Variants in DPY19L2 observed in about 807,000 individuals in gnomAD.
The protein encoded by DPY19L2 is probable C-mannosyltransferase DPY19L2.
DPY19L2 carries 34 observed loss-of-function variants against 97.9 expected under a neutral mutation model. The observed-to-expected ratio is 0.35, with a 90% CI of 0.26 to 0.46. The LOEUF (loss-of-function observed/expected upper bound fraction) is 0.46, where lower values mean the gene tolerates loss of function less well. Ranked by LOEUF, DPY19L2 falls within the 20% of genes least tolerant of loss-of-function variation. DPY19L2 has a pLI of 1.00. For synonymous variants in DPY19L2, 230 were observed against 307.9 expected (o/e 0.75, Z 2.65); for missense variants, 623 against 911.4 (o/e 0.68, Z 4.07).
chr12:63,616,792 A>C (rs1207274859), intron 11 of DPY19L2, among the ~76,000 whole-genome samples: 3 of 152,146 alleles, frequency 2.0e-5, no homozygotes, highest in African/African-American at 7.2e-5. Flanking sequence ...CGGTCTTATG[A>C]CTTTACTGTC....
chr12:63,637,965 T>C (rs985028630), intron 6 of DPY19L2, among the ~76,000 whole-genome samples: 1 of 152,080 alleles, frequency 6.6e-6, no homozygotes, highest in Non-Finnish European at 1.5e-5. Flanking sequence ...CTCAATAAAA[T>C]ATTGGCAAAC....
At position 63,582,530 on chromosome 12, in the gene DPY19L2, A is replaced by G. The variant is rs1881109533; in HGVS notation, c.1606-5T>C. 5 of 1,606,022 alleles carry G rather than the reference A, an allele frequency of 3.1e-6. No individual in the cohort carries two copies. Among genetic ancestry groups the G allele is most frequent in the Non-Finnish European group, 4.2e-6 (5 of 1,177,404 alleles). On this transcript the variant is annotated splice_polypyrimidine_tract_variant and splice_region_variant and intron_variant, in intron 17 of 21. Transcript: ENST00000324472. ...CTGCAATGTGTGAAAAGCCAGCTATAAAACACAAATAAGACAAAATCACAT... is the reference window on the plus strand; with the variant it reads ...CTGCAATGTGTGAAAAGCCAGCTATGAAACACAAATAAGACAAAATCACAT...
At position 63,596,092 on chromosome 12, in the gene DPY19L2, G is replaced by A. The variant is rs1272607135; in HGVS notation, c.1462-55C>T. The stretch of plus-strand genomic sequence containing the variant: ...TACTTACAATTTTTACATTAAATTA[G>A]TAAACACCTATGTCAAACTAAGTGC... On this transcript the variant is annotated intron_variant, in intron 14 of 21. Coordinates refer to ENST00000324472, the MANE Select transcript of DPY19L2 (RefSeq NM_173812.5). 2.7e-5 allele frequency: 41 copies of A among 1,504,432 alleles called. No individual in the cohort carries two copies. In the East Asian group the frequency reaches 8.2e-4, roughly 30 times the overall value. 93.2% of individuals were successfully genotyped at this position (1,504,432 alleles called of 1,614,324 possible). A position where few individuals can be genotyped will look rare whatever the true frequency, so the allele number is the denominator to read the frequency against.
At chr12:63,644,364 A>G in intron 6 of DPY19L2, 39 bp downstream of exon 6, 1 of 1,583,100 alleles carries the variant, frequency 6.3e-7, no homozygotes. Context: ...AGTCTGTAAA[A>G]GCCCACTGAA....
intron 4 of DPY19L2, among the ~76,000 whole-genome samples, chr12:63,647,592 A>G (rs1239465198): frequency 6.6e-6 from 1 of 152,284 alleles, no homozygotes; most frequent in African/African-American, 2.4e-5. Context: ...TATAGATTCA[A>G]TGCTCTACCA....
chr12:63,660,311 T>C (rs1435896579), intron 4 of DPY19L2, among the ~76,000 whole-genome samples: 1 of 151,866 alleles, frequency 6.6e-6, no homozygotes, highest in African/African-American at 2.4e-5. Context: ...TTACAATTCA[T>C]AAAACGGTTA....
At chr12:63,600,004 G>A (rs1410582365) in intron 13 of DPY19L2, among the ~76,000 whole-genome samples, 10 of 152,118 alleles carry the variant, frequency 6.6e-5, no homozygotes, top group Admixed American at 6.5e-4. Context: ...GATAACTTAT[G>A]ATGTAAACAA....
chr12:63,581,023 G>GA (rs1410285431), intron 18 of DPY19L2, among the ~76,000 whole-genome samples, 187 bp from the exon 19 acceptor site: 1 of 152,126 alleles, frequency 6.6e-6, no homozygotes, highest in Non-Finnish European at 1.5e-5. Context: ...GGGCCCAGGT[G>GA]AAAATGGAAC....
rs1236105189 is a variant in DPY19L2, at chr12:63,570,837, T to C, written c.1921A>G (p.Met641Val). Residue 641 changes from methionine (M) to valine (V), a missense_variant, in exon 20 of 22, where the codon ATG becomes GTG. By Grantham distance (21) the Met-to-Val change is conservative. Transcript: ENST00000324472. ...TTSDAVFAGA[M>V]PTMASIKLST... ...AGCTTGATGCTTGCCATTGTAGGCA[T>C]GGCACCTGCAAAGACAGCATCTGAA... 2 of 1,610,176 alleles carry C rather than the reference T, an allele frequency of 1.2e-6. No homozygotes were observed. Among genetic ancestry groups the C allele is most frequent in the African/African-American group, 1.3e-5 (1 of 74,218 alleles).
intron 11 of DPY19L2, among the ~76,000 whole-genome samples, chr12:63,615,680 GT>G (rs1322885708): frequency 6.6e-6 from 1 of 152,144 alleles, no homozygotes; most frequent in Admixed American, 6.5e-5. Context: ...AGAAACTTAA[GT>G]GATGAAACTA....
chr12:63,657,077 T>A (rs1261266098), intron 4 of DPY19L2, among the ~76,000 whole-genome samples: 5 of 152,218 alleles, frequency 3.3e-5, no homozygotes, highest in Non-Finnish European at 7.3e-5. Flanking sequence ...GTATGCCTCA[T>A]AATTTTTGCT....
intron 18 of DPY19L2, among the ~76,000 whole-genome samples, chr12:63,581,480 T>TA (rs1491242166): frequency 1.2e-4 from 2 of 17,204 alleles, no homozygotes; most frequent in Non-Finnish European, 9.9e-5. Context: ...CAGGAAACTC[T>TA]TTTTTTTTTT....
chr12:63,588,867 C>T (rs951796104), intron 16 of DPY19L2, among the ~76,000 whole-genome samples: 1 of 151,614 alleles, frequency 6.6e-6, no homozygotes, highest in African/African-American at 2.4e-5. Flanking sequence ...CATTCTCCTG[C>T]CTCAGCCTAC....
intron 6 of DPY19L2, among the ~76,000 whole-genome samples, chr12:63,636,912 A>T (rs1235328150): frequency 6.6e-6 from 1 of 152,128 alleles, no homozygotes; most frequent in East Asian, 1.9e-4. Flanking sequence ...CAGGAATTGA[A>T]CTCAACTCTG....
In DPY19L2 at chr12:63,597,808, C is replaced by T; in HGVS notation, c.1461+1G>A. Reference sequence around the variant, plus strand: ...GAGAAGGAAAAAAGAAACATTCATACCGCTTTTTCCATGAAGTCAAATTCG... The same window carrying T: ...GAGAAGGAAAAAAGAAACATTCATATCGCTTTTTCCATGAAGTCAAATTCG... On this transcript the variant is annotated splice_donor_variant, in intron 14 of 21. Coordinates refer to ENST00000324472, the MANE Select transcript of DPY19L2 (RefSeq NM_173812.5). LOFTEE classifies it high-confidence loss of function. 1 of 1,603,066 alleles carries T rather than the reference C, an allele frequency of 6.2e-7. No homozygotes were observed. The highest frequency in any genetic ancestry group is 8.5e-7 in the Non-Finnish European group (1 of 1,173,806).
intron 8 of DPY19L2, among the ~76,000 whole-genome samples, chr12:63,621,900 G>A (rs1255202184): frequency 6.6e-6 from 1 of 151,938 alleles, no homozygotes; most frequent in Non-Finnish European, 1.5e-5. Flanking sequence ...AGATGTATTG[G>A]GAACCAATAC....
rs570697942 is a variant in DPY19L2, at chr12:63,634,862, G to A, written c.804-8336C>T. On this transcript the variant is annotated intron_variant, in intron 6 of 21. Coordinates refer to ENST00000324472, the MANE Select transcript of DPY19L2 (RefSeq NM_173812.5). ...TAGACTCCACCTCTGGGGGCAGGAC[G>A]TTGCCAAACAAAAGGCAGCAGAATC... 5.9e-3 allele frequency among the ~76,000 whole-genome samples: 905 copies of A among 152,236 alleles called. 2 individuals carry two copies. Among genetic ancestry groups the A allele is most frequent in the African/African-American group, 0.021 (860 of 41,524 alleles).
At chr12:63,582,870 C>T (rs1881180219) in intron 17 of DPY19L2, among the ~76,000 whole-genome samples, 1 of 151,962 alleles carries the variant, frequency 6.6e-6, no homozygotes, top group African/African-American at 2.4e-5. Flanking sequence ...GGCAGAGGAG[C>T]TAGGGAGAGC....
At chr12:63,584,969 T>TA (rs1881533925) in intron 16 of DPY19L2, among the ~76,000 whole-genome samples, 1 of 152,112 alleles carries the variant, frequency 6.6e-6, no homozygotes, top group Non-Finnish European at 1.5e-5. Flanking sequence ...GATGAGTGCT[T>TA]AGTTAAGATG....
Sources: gnomAD v4.1 joint callset for allele counts (sites outside exome capture counted in the v4.1 genomes callset) on GRCh38, gnomAD v4.1.1 for gene constraint, MANE v1.5 for transcripts, NCBI Gene and HGNC (gene_info 2026-07-23, HGNC 2026-07-21) for gene names.